Variants in PLSCR4 observed in about 807,000 individuals in gnomAD.
PLSCR4 encodes the protein phospholipid scramblase 4.
Under a neutral mutation model 36.3 loss-of-function variants are expected in PLSCR4, and 25 were observed. That is an observed-to-expected ratio of 0.69 (90% CI 0.50 to 0.96). The LOEUF (loss-of-function observed/expected upper bound fraction) is 0.96, where lower values mean the gene tolerates loss of function less well. Ranked by LOEUF, PLSCR4 falls within the 40% of genes least tolerant of loss-of-function variation. The pLI is 0.00. For synonymous variants in PLSCR4, 122 were observed against 132.9 expected (o/e 0.92, Z 0.56); for missense variants, 408 against 414.7 (o/e 0.98, Z 0.14).
intron 7 of PLSCR4, 65 bp from the exon 8 acceptor site, chr3:146,195,347 C>T: frequency 7.9e-7 from 1 of 1,264,502 alleles, no homozygotes; most frequent in Non-Finnish European, 1.2e-6. Context: ...TAATGTTCTG[C>T]TTATGTTCAG....
chr3:146,239,090 TAAAG>T (rs1000266883), intron 1 of PLSCR4, among the ~76,000 whole-genome samples: 5 of 152,204 alleles, frequency 3.3e-5, no homozygotes, highest in African/African-American at 9.6e-5. Context: ...TTGAAAGAAT[TAAAG>T]AAGATCTAAA....
At chr3:146,218,467 C>T (rs1464036778) in intron 3 of PLSCR4, among the ~76,000 whole-genome samples, 5 of 150,934 alleles carry the variant, frequency 3.3e-5, no homozygotes, top group South Asian at 2.1e-4. Context: ...TGAGGCTATT[C>T]GTATAGAGAT....
chr3:146,240,871 A>T (rs1264834556), intron 1 of PLSCR4, among the ~76,000 whole-genome samples: 2 of 152,204 alleles, frequency 1.3e-5, no homozygotes, highest in African/African-American at 4.8e-5. Context: ...AATGAAAATA[A>T]ATGCCTTCAC....
chr3:146,233,749 C>T (rs2035809335), intron 1 of PLSCR4, among the ~76,000 whole-genome samples: 4 of 151,782 alleles, frequency 2.6e-5, no homozygotes, highest in Admixed American at 2.6e-4. Flanking sequence ...AACCTGGAAA[C>T]TACAGTTCAA....
intron 3 of PLSCR4, among the ~76,000 whole-genome samples, chr3:146,217,277 C>T (rs948099542): frequency 1.3e-5 from 2 of 152,138 alleles, no homozygotes; most frequent in Non-Finnish European, 2.9e-5. Flanking sequence ...AGAAGGTATA[C>T]TACGATATAG....
intron 3 of PLSCR4, among the ~76,000 whole-genome samples, chr3:146,209,973 C>T (rs2034535981): frequency 6.6e-6 from 1 of 152,050 alleles, no homozygotes; most frequent in South Asian, 2.1e-4. Flanking sequence ...GTATAGTCGT[C>T]CCTTGATATT....
intron 1 of PLSCR4, among the ~76,000 whole-genome samples, chr3:146,228,644 AG>A (rs141865059): frequency 0.011 from 1,680 of 152,328 alleles, 33 homozygotes; most frequent in African/African-American, 0.038. Flanking sequence ...AACTTTAAAA[AG>A]ATCAGAAAAT....
chr3:146,227,558 A>G (rs974029284), intron 1 of PLSCR4, among the ~76,000 whole-genome samples: 7 of 152,178 alleles, frequency 4.6e-5, no homozygotes, highest in African/African-American at 1.7e-4. Context: ...AAAACCACAA[A>G]TTCTAGAACT....
intron 1 of PLSCR4, among the ~76,000 whole-genome samples, chr3:146,233,737 A>G (rs1394790558): frequency 6.6e-6 from 1 of 152,072 alleles, no homozygotes; most frequent in Non-Finnish European, 1.5e-5. Flanking sequence ...TTATAGCTCT[A>G]TAACCTGGAA....
chr3:146,220,995 C>T (rs9850144), intron 2 of PLSCR4, 70 bp from the exon 3 acceptor site: 303,789 of 904,142 alleles, frequency 0.34, 52,506 homozygotes, highest in Admixed American at 0.38. Context: ...TATTCTTTTT[C>T]CTTTCTTATG....
At chr3:146,231,846 G>T (rs2035728946) in intron 1 of PLSCR4, among the ~76,000 whole-genome samples, 1 of 152,070 alleles carries the variant, frequency 6.6e-6, no homozygotes, top group African/African-American at 2.4e-5. Flanking sequence ...CTCTGTAAAA[G>T]CTCTTTAGTT....
chr3:146,199,856 C>T lies in PLSCR4; in HGVS notation c.581G>A (p.Arg194Lys), dbSNP rs2033950358. The T allele has an allele frequency of 1.9e-6, 3 of 1,613,384 alleles. No homozygotes were observed. The highest frequency in any genetic ancestry group is 2.7e-5 in the African/African-American group (2 of 74,878). The change falls in exon 6 of 9, where the codon AGA becomes AAA. Residue 194 changes from arginine (R) to lysine (K), a missense_variant. By Grantham distance (26) the Arg-to-Lys change is conservative. Coordinates refer to ENST00000354952, the MANE Select transcript of PLSCR4 (RefSeq NM_020353.3). Reference protein sequence around the residue: ...REIMTMQRPFRCTCCCFCCPS... With the variant: ...REIMTMQRPFKCTCCCFCCPS... ...GCAACAGAAGCAACAGCAGGTGCATCTGAAGGGTCTCTGCATTGTCATGAT... is the reference window on the plus strand; with the variant it reads ...GCAACAGAAGCAACAGCAGGTGCATTTGAAGGGTCTCTGCATTGTCATGAT...
intron 3 of PLSCR4, among the ~76,000 whole-genome samples, chr3:146,218,494 A>C (rs1160594146): frequency 3.3e-5 from 5 of 151,580 alleles, no homozygotes; most frequent in African/African-American, 1.2e-4. Context: ...TTTTAAAATT[A>C]AATTTATATT....
At chr3:146,195,377 G>C in intron 7 of PLSCR4, 95 bp from the exon 8 acceptor site, 2 of 972,234 alleles carry the variant, frequency 2.1e-6, no homozygotes, top group Non-Finnish European at 3.2e-6. Flanking sequence ...ATACAATGCA[G>C]AAAAAGACTA....
At chr3:146,242,783 A>G (rs550253360) in intron 1 of PLSCR4, among the ~76,000 whole-genome samples, 25 of 152,308 alleles carry the variant, frequency 1.6e-4, no homozygotes, top group Admixed American at 1.4e-3. Context: ...AAAATTCCTT[A>G]CGAAAGGCAA....
chr3:146,242,051 G>A (rs78455298), intron 1 of PLSCR4, among the ~76,000 whole-genome samples: 2,563 of 152,238 alleles, frequency 0.017, 77 homozygotes, highest in African/African-American at 0.058. Context: ...AGCCAATCAC[G>A]GGCTGTCAAC....
rs1249567770 is a variant in PLSCR4 at position 146,214,297 on chromosome 3, A to G, written c.118+6518T>C. Among the ~76,000 whole-genome samples the G allele has an allele frequency of 1.2e-4, 6 of 51,688 alleles. 3 individuals are homozygous for G. The highest frequency in any genetic ancestry group is 1.8e-4 in the Non-Finnish European group (4 of 22,414). 33.9% of individuals were successfully genotyped at this position (51,688 alleles called of 152,430 possible). On this transcript the variant is annotated intron_variant, in intron 3 of 8. Transcript: ENST00000354952. The stretch of plus-strand genomic sequence containing the variant: ...CCACTACGCCCGGCTAATTTTTTGT[A>G]TTTTTAGTAGAGACGGGGTTTCACC...
intron 3 of PLSCR4, among the ~76,000 whole-genome samples, chr3:146,212,433 TTTTG>T (rs1284218334): frequency 6.5e-5 from 1 of 15,322 alleles, no homozygotes; most frequent in African/African-American, 5.6e-4. Flanking sequence ...GGTTTTTTTG[TTTTG>T]TTTTTTTTTG....
chr3:146,246,591 GTTAT>G (rs2036348281), intron 1 of PLSCR4, among the ~76,000 whole-genome samples: 1 of 151,902 alleles, frequency 6.6e-6, no homozygotes. Flanking sequence ...AAATGTTTTT[GTTAT>G]TTAGAGTAGA....
Sources: allele counts gnomAD v4.1 joint callset (sites outside exome capture counted in the v4.1 genomes callset), GRCh38; gene constraint gnomAD v4.1.1; transcripts MANE v1.5; gene names NCBI Gene and HGNC (gene_info 2026-07-23, HGNC 2026-07-21).